The following GRM7 variants were observed in gnomAD, a reference collection of about 807,000 sequenced individuals.
GRM7 encodes the protein glutamate metabotropic receptor 7, also known as metabotropic glutamate receptor 7.
Under a neutral mutation model 84.5 loss-of-function variants are expected in GRM7, and 35 were observed. The observed-to-expected ratio is 0.41, with a 90% CI of 0.32 to 0.55. The LOEUF is 0.55. Among genes scored for constraint, GRM7 ranks in the 20% least tolerant of loss-of-function variants. GRM7 has a pLI of 0.19. For missense variants in GRM7, 1,003 were observed against 1,194.6 expected (o/e 0.84, Z 2.36); for synonymous variants, 487 against 455.1 (o/e 1.07, Z -0.89).
chr3:7,074,741 C>T (rs949321158), intron 1 of GRM7, among the ~76,000 whole-genome samples: 3 of 151,828 alleles, frequency 2.0e-5, no homozygotes, highest in African/African-American at 7.3e-5. Context: ...TGAGAAATAC[C>T]AATGTAGAAT....
intron 9 of GRM7, among the ~76,000 whole-genome samples, chr3:7,731,530 G>A (rs1197286248): frequency 6.6e-6 from 1 of 152,140 alleles, no homozygotes; most frequent in Non-Finnish European, 1.5e-5. Context: ...GCTAACTTTG[G>A]AAGACATTTA....
intron 5 of GRM7, among the ~76,000 whole-genome samples, chr3:7,423,023 C>T (rs1303954092): frequency 6.6e-6 from 1 of 152,156 alleles, no homozygotes; most frequent in Admixed American, 6.6e-5. Context: ...GGCTGAATAT[C>T]TTCAGCCTTA....
chr3:7,009,665 TCA>T (rs1695302443), intron 1 of GRM7, among the ~76,000 whole-genome samples: 1 of 152,100 alleles, frequency 6.6e-6, no homozygotes, highest in African/African-American at 2.4e-5. Context: ...AGGGCCCAGG[TCA>T]ATATGCAGTT....
At chr3:7,630,556 T>C (rs577335806) in intron 8 of GRM7, among the ~76,000 whole-genome samples, 1 of 152,322 alleles carries the variant, frequency 6.6e-6, no homozygotes, top group Non-Finnish European at 1.5e-5. Context: ...TTCTCTCACT[T>C]GGGCTTCTGG....
At chr3:7,292,743 C>G (rs1419082113) in intron 2 of GRM7, among the ~76,000 whole-genome samples, 1 of 150,322 alleles carries the variant, frequency 6.7e-6, no homozygotes, top group Non-Finnish European at 1.5e-5. Context: ...AAAAACAAAC[C>G]ATTGAGGCTG....
chr3:7,437,508 G>C (rs972597608), intron 5 of GRM7, among the ~76,000 whole-genome samples: 2 of 152,080 alleles, frequency 1.3e-5, no homozygotes, highest in Admixed American at 1.3e-4. Context: ...GTACTAACTA[G>C]AGTTATTGCC....
intron 8 of GRM7, among the ~76,000 whole-genome samples, chr3:7,622,655 A>G (rs1697414436): frequency 1.3e-5 from 2 of 152,092 alleles, no homozygotes; most frequent in South Asian, 4.1e-4. Context: ...GCTAGGGTTC[A>G]GTAAGGGAGG....
chr3:7,209,284 T>C (rs182474474), intron 2 of GRM7, among the ~76,000 whole-genome samples: 1 of 152,354 alleles, frequency 6.6e-6, no homozygotes, highest in East Asian at 1.9e-4. Flanking sequence ...CAAACCACTG[T>C]AACTTGAATA....
At chr3:7,653,285 G>A (rs921715775) in intron 8 of GRM7, among the ~76,000 whole-genome samples, 1 of 130,014 alleles carries the variant, frequency 7.7e-6, no homozygotes, top group Admixed American at 9.3e-5. Flanking sequence ...CATCATTTAT[G>A]ACTAGTATTA....
intron 1 of GRM7, among the ~76,000 whole-genome samples, chr3:6,939,585 G>T (rs17046426): frequency 0.1 from 15,715 of 152,146 alleles, 856 homozygotes; most frequent in African/African-American, 0.13. Flanking sequence ...ATAGTGAGAT[G>T]TATGAAATTA....
chr3:7,699,335 A>C, intron 9 of GRM7, among the ~76,000 whole-genome samples: 1 of 152,196 alleles, frequency 6.6e-6, no homozygotes, highest in East Asian at 1.9e-4. Flanking sequence ...TATTTACTAG[A>C]CAGTTGGTGA....
rs903373313 is a variant in GRM7 at position 7,086,448 on chromosome 3, G to A, written c.520-60004G>A. Among the ~76,000 whole-genome samples the A allele has an allele frequency of 1.1e-4, 16 of 152,232 alleles. 2 individuals carry two copies. Among genetic ancestry groups the A allele is most frequent in the Admixed American group, 5.2e-4 (8 of 15,282 alleles). ...TTAAATTTGAGTATTCAAGAGTTTT[G>A]TTATATTAAAGTAGTAAGTGAGAAC... is the stretch of plus-strand genomic sequence containing the variant. On this transcript the variant is annotated intron_variant, in intron 1 of 9. Transcript: ENST00000357716.
intron 1 of GRM7, among the ~76,000 whole-genome samples, chr3:7,104,076 G>T (rs73115082): frequency 0.027 from 4,077 of 151,256 alleles, 186 homozygotes; most frequent in African/African-American, 0.094. Context: ...AGGTCTAAAT[G>T]AGGTCATGAG....
intron 2 of GRM7, among the ~76,000 whole-genome samples, chr3:7,166,183 T>G (rs930198679): frequency 3.9e-5 from 6 of 152,166 alleles, no homozygotes; most frequent in African/African-American, 1.4e-4. Context: ...GAGCCGGTAT[T>G]TAAATTATGA....
At chr3:7,245,558 G>A (rs1056078870) in intron 2 of GRM7, among the ~76,000 whole-genome samples, 1 of 151,960 alleles carries the variant, frequency 6.6e-6, no homozygotes, top group Non-Finnish European at 1.5e-5. Context: ...TAAAATCATC[G>A]ATCTAGAGTT....
chr3:7,079,363 G>A (rs1427488825), intron 1 of GRM7, among the ~76,000 whole-genome samples: 2 of 152,074 alleles, frequency 1.3e-5, no homozygotes, highest in African/African-American at 4.8e-5. Context: ...AGACAATAAA[G>A]GTCACTGTGC....
At chr3:7,482,225 A>G (rs1428869562) in intron 7 of GRM7, among the ~76,000 whole-genome samples, 1 of 152,130 alleles carries the variant, frequency 6.6e-6, no homozygotes, top group East Asian at 1.9e-4. Flanking sequence ...ACAGAAATGA[A>G]TATTTCACAC....
intron 1 of GRM7, among the ~76,000 whole-genome samples, chr3:6,922,971 GC>G (rs1697173428): frequency 1.3e-5 from 2 of 152,008 alleles, no homozygotes; most frequent in Non-Finnish European, 2.9e-5. Flanking sequence ...TGACTTTTAG[GC>G]TATCAAACAA....
At chr3:7,293,877 G>A (rs565015601) in intron 2 of GRM7, among the ~76,000 whole-genome samples, 1 of 152,116 alleles carries the variant, frequency 6.6e-6, no homozygotes, top group Non-Finnish European at 1.5e-5. Context: ...TTCTTTTATG[G>A]ATCTGAGACA....
Sources: allele counts gnomAD v4.1 joint callset (sites outside exome capture counted in the v4.1 genomes callset), GRCh38; gene constraint gnomAD v4.1.1; transcripts MANE v1.5; gene names NCBI Gene and HGNC (gene_info 2026-07-23, HGNC 2026-07-21).